Variants in TMEFF2 observed in about 807,000 individuals in gnomAD.
TMEFF2 encodes the protein tomoregulin-2.
Under a neutral mutation model 53.8 loss-of-function variants are expected in TMEFF2, and 28 were observed. That is an observed-to-expected ratio of 0.52 (90% CI 0.39 to 0.71). The LOEUF is 0.71. Among genes scored for constraint, TMEFF2 ranks in the 30% least tolerant of loss-of-function variants. The pLI is 0.00. For synonymous variants in TMEFF2, 162 were observed against 166.3 expected, an observed-to-expected ratio of 0.97 and a Z score of 0.20; for missense variants, 353 against 455.2, an observed-to-expected ratio of 0.78 and a Z score of 2.04.
chr2:192,014,505 G>T (rs961477329), intron 5 of TMEFF2, among the ~76,000 whole-genome samples: 5 of 152,058 alleles, frequency 3.3e-5, no homozygotes, highest in African/African-American at 1.2e-4. Context: ...AATCTTTGTT[G>T]TTAGTATCCT....
At chr2:191,953,540 C>CT (rs1418374107) in intron 9 of TMEFF2, 139 bp downstream of exon 9, 15 of 865,830 alleles carry the variant, frequency 1.7e-5, no homozygotes, top group Non-Finnish European at 2.6e-5. Context: ...TTCAAATACT[C>CT]TTATGCTAAG....
At chr2:191,977,218 G>T (rs772440142) in intron 7 of TMEFF2, among the ~76,000 whole-genome samples, 1 of 152,206 alleles carries the variant, frequency 6.6e-6, no homozygotes, top group Non-Finnish European at 1.5e-5. Flanking sequence ...GGGAGAGAGA[G>T]CATGGCTTGT....
Position 192,104,027 on chromosome 2 carries a change from A to G in TMEFF2, c.440-46252T>C, listed in dbSNP as rs191679801. Among the ~76,000 whole-genome samples the G allele has an allele frequency of 3.2e-4, 49 of 152,222 alleles. No individual in the cohort carries two copies. In the East Asian group the frequency reaches 9.3e-3, roughly 29 times the overall value. On this transcript the variant is annotated intron_variant, in intron 4 of 9. Transcript: ENST00000272771. ...TTTCCAACTTTCATTATGAAGGCACATTCTGATGGTTGTATTGAAAAGAAA... is the reference window on the plus strand; with the variant it reads ...TTTCCAACTTTCATTATGAAGGCACGTTCTGATGGTTGTATTGAAAAGAAA...
chr2:192,088,189 GTTAT>G (rs1219667567), intron 4 of TMEFF2, among the ~76,000 whole-genome samples: 2 of 122,060 alleles, frequency 1.6e-5, no homozygotes, highest in East Asian at 5.4e-4. Context: ...ATATCAAATA[GTTAT>G]TTTTTTTTTT....
intron 3 of TMEFF2, among the ~76,000 whole-genome samples, chr2:192,182,062 A>G (rs1367924304): frequency 6.6e-6 from 1 of 151,842 alleles, no homozygotes; most frequent in Non-Finnish European, 1.5e-5. Context: ...CCTACAAGGC[A>G]AAAAGTTAAA....
At chr2:191,967,036 G>GAA (rs57878864) in intron 7 of TMEFF2, among the ~76,000 whole-genome samples, 4 of 141,298 alleles carry the variant, frequency 2.8e-5, no homozygotes, top group African/African-American at 7.7e-5. Context: ...GAACTTCTGA[G>GAA]AAAAAAAAAA....
chr2:192,024,793 T>C (rs1686932060), intron 5 of TMEFF2, among the ~76,000 whole-genome samples: 1 of 152,240 alleles, frequency 6.6e-6, no homozygotes. Context: ...TATTTCTATG[T>C]CAATGACTGT....
intron 5 of TMEFF2, among the ~76,000 whole-genome samples, chr2:192,008,322 CAT>C (rs997981222): frequency 3.8e-4 from 58 of 152,186 alleles, no homozygotes; most frequent in Admixed American, 1.0e-3. Flanking sequence ...CTCTTCAGTG[CAT>C]ATGATAGATG....
intron 7 of TMEFF2, 116 bp downstream of exon 7, chr2:191,998,146 C>T (rs2105834623): frequency 1.3e-6 from 1 of 786,456 alleles, no homozygotes; most frequent in Non-Finnish European, 2.0e-6. Context: ...CAAGAGAAGG[C>T]TAGCACATGT....
At chr2:192,177,069 A>T (rs1301067177) in intron 4 of TMEFF2, 1 of 151,228 alleles carries the variant, frequency 6.6e-6, no homozygotes, top group Non-Finnish European at 1.5e-5. Flanking sequence ...CCAATTATTA[A>T]TTAAATACAC....
At chr2:192,089,455 A>T (rs1688739393) in intron 4 of TMEFF2, among the ~76,000 whole-genome samples, 1 of 151,564 alleles carries the variant, frequency 6.6e-6, no homozygotes, top group Non-Finnish European at 1.5e-5. Flanking sequence ...CAGAGAACAG[A>T]CTCTCCCCAC....
At chr2:191,987,412 C>CT (rs5837271) in intron 7 of TMEFF2, among the ~76,000 whole-genome samples, 7,479 of 147,962 alleles carry the variant, frequency 0.051, 613 homozygotes, top group African/African-American at 0.17. Context: ...TTTCTTTTTA[C>CT]TTTTTTTTTT....
At chr2:192,019,971 C>T (rs1686825936) in intron 5 of TMEFF2, among the ~76,000 whole-genome samples, 1 of 152,004 alleles carries the variant, frequency 6.6e-6, no homozygotes, top group South Asian at 2.1e-4. Context: ...TGAGCAGATA[C>T]ACACACTAAA....
intron 7 of TMEFF2, among the ~76,000 whole-genome samples, chr2:191,972,807 C>G (rs1246295744): frequency 6.6e-6 from 1 of 151,996 alleles, no homozygotes; most frequent in Non-Finnish European, 1.5e-5. Flanking sequence ...CATTTAAGCT[C>G]CAATGTATAA....
chr2:191,969,470 T>C (rs1321759656), intron 7 of TMEFF2, among the ~76,000 whole-genome samples: 2 of 152,060 alleles, frequency 1.3e-5, no homozygotes, highest in Non-Finnish European at 2.9e-5. Context: ...ACTAGGTGCA[T>C]AGGTAAGAGC....
At chr2:192,114,059 G>T (rs1406775179) in intron 4 of TMEFF2, among the ~76,000 whole-genome samples, 2 of 129,640 alleles carry the variant, frequency 1.5e-5, no homozygotes, top group African/African-American at 5.9e-5. Flanking sequence ...AATAAAATCT[G>T]GAAATTGTGT....
intron 5 of TMEFF2, among the ~76,000 whole-genome samples, chr2:192,017,375 A>ACC (rs1686766349): frequency 6.6e-6 from 1 of 152,126 alleles, no homozygotes; most frequent in Admixed American, 6.5e-5. Flanking sequence ...TTTTAGAAGT[A>ACC]CCCTCTGTCA....
chr2:191,950,756 A>G (rs1691851578), intron 9 of TMEFF2, among the ~76,000 whole-genome samples: 1 of 152,176 alleles, frequency 6.6e-6, no homozygotes, highest in Admixed American at 6.5e-5. Context: ...CAACAATTTT[A>G]TATTTCAAAT....
chr2:192,097,060 C>A (rs944917597), intron 4 of TMEFF2, among the ~76,000 whole-genome samples: 1 of 152,136 alleles, frequency 6.6e-6, no homozygotes, highest in African/African-American at 2.4e-5. Flanking sequence ...GTGTATACTG[C>A]CTCTTGCAAA....
Sources: allele counts gnomAD v4.1 joint callset (sites outside exome capture counted in the v4.1 genomes callset), GRCh38; gene constraint gnomAD v4.1.1; transcripts MANE v1.5; gene names NCBI Gene and HGNC (gene_info 2026-07-23, HGNC 2026-07-21).